CEP112: variants seen among roughly 807,000 people sequenced by gnomAD.
The protein encoded by CEP112 is centrosomal protein 112.
A neutral mutation model predicts 153.0 loss-of-function variants in CEP112; 127 were observed. That is an observed-to-expected ratio of 0.83 (90% confidence interval 0.72 to 0.96). The LOEUF (loss-of-function observed/expected upper bound fraction) is 0.96, where lower values mean the gene tolerates loss of function less well. Among genes scored for constraint, CEP112 ranks in the 40% least tolerant of loss-of-function variants. The probability of loss-of-function intolerance (pLI) is 0.00; values close to 1 mark genes in which losing one functional copy is unlikely to be tolerated. For missense variants in CEP112, 1,089 were observed against 1,101.2 expected (o/e 0.99, Z 0.16); for synonymous variants, 358 against 374.4 (o/e 0.96, Z 0.51).
rs189469441 is a variant in CEP112 at position 66,171,001 on chromosome 17, T to C, written c.470+4043A>G. On this transcript the variant is annotated intron_variant, in intron 4 of 26. Coordinates refer to ENST00000535342, the MANE Select transcript of CEP112 (RefSeq NM_001199165.4). ...ATGCTAAGTACACTAGTATATAATGTATACTTGGTGGAAAAAATAAAGCGT... is the reference window on the plus strand; with the variant it reads ...ATGCTAAGTACACTAGTATATAATGCATACTTGGTGGAAAAAATAAAGCGT... Among the ~76,000 whole-genome samples the C allele has an allele frequency of 7.4e-3, 1,133 of 152,272 alleles. 4 individuals are homozygous for C. Among genetic ancestry groups the C allele is most frequent in the Non-Finnish European group, 0.011 (715 of 68,020 alleles).
At position 66,043,153 on chromosome 17, in the gene CEP112, T is replaced by C. The variant is rs1030132847; in HGVS notation, c.1218+10583A>G. ...TCAGACTGTCGCTGAATTTGAATTTTTTCTTTAAAGTTCACTTTCATTTTC... is the reference window on the plus strand; with the variant it reads ...TCAGACTGTCGCTGAATTTGAATTTCTTCTTTAAAGTTCACTTTCATTTTC... On this transcript the variant is annotated intron_variant, in intron 12 of 26. Coordinates refer to ENST00000535342, the MANE Select transcript of CEP112 (RefSeq NM_001199165.4). The C allele has an allele frequency of 4.9e-6, 4 of 811,158 alleles. No individual in the cohort carries two copies. In the South Asian group the frequency reaches 1.7e-4, roughly 34 times the overall value. The allele number at this position is 811,158 out of a possible 1,614,324, so 50.2% of individuals were successfully genotyped here. A position where few individuals can be genotyped will look rare whatever the true frequency, so the allele number is the denominator to read the frequency against.
At position 65,916,252 on chromosome 17, in the gene CEP112, T is replaced by A. The variant is rs199965387; in HGVS notation, c.1980+11330A>T. ...CCTTAAATTATGTTTTGAAAAAGAG[T>A]GTGTGTGTGTGTGTGTGTGTGTGTG... On this transcript the variant is annotated intron_variant, in intron 19 of 26. Transcript: ENST00000535342. Among the ~76,000 whole-genome samples the A allele has an allele frequency of 5.0e-4, 55 of 110,448 alleles. 1 individual carries two copies. In the South Asian group the frequency reaches 8.4e-3, roughly 17 times the overall value. The allele number at this position is 110,448 out of a possible 152,430, so 72.5% of individuals were successfully genotyped here.
chr17:66,069,148 G>A (rs1362010804), intron 9 of CEP112, among the ~76,000 whole-genome samples: 2 of 151,858 alleles, frequency 1.3e-5, no homozygotes, highest in Non-Finnish European at 2.9e-5. Flanking sequence ...TGTAACTACT[G>A]CAACTACCTG....
intron 18 of CEP112, among the ~76,000 whole-genome samples, chr17:65,946,970 CAAGTTTTATT>C (rs1357178228): frequency 6.6e-6 from 1 of 152,008 alleles, no homozygotes; most frequent in Non-Finnish European, 1.5e-5. Context: ...GCATCTTCTT[CAAGTTTTATT>C]TTGTATTTGT....
chr17:66,035,495 G>T (rs1326262371), intron 12 of CEP112, among the ~76,000 whole-genome samples: 1 of 152,138 alleles, frequency 6.6e-6, no homozygotes, highest in East Asian at 1.9e-4. Context: ...CACTGCTGGT[G>T]AGAATGAAAA....
At chr17:66,064,752 T>G (rs945005182) in intron 10 of CEP112, among the ~76,000 whole-genome samples, 8 of 152,160 alleles carry the variant, frequency 5.3e-5, no homozygotes, top group Admixed American at 4.6e-4. Context: ...TTTTAAAACC[T>G]CATCATTTTT....
chr17:65,956,804 T>C (rs907334141), intron 18 of CEP112, among the ~76,000 whole-genome samples: 1 of 152,012 alleles, frequency 6.6e-6, no homozygotes, highest in African/African-American at 2.4e-5. Context: ...TTTAAAAATA[T>C]ATACATAAAA....
chr17:66,029,707 TAAAC>T (rs58836760), intron 13 of CEP112, among the ~76,000 whole-genome samples, 158 bp downstream of exon 13: 60,288 of 131,712 alleles, frequency 0.46, 13,070 homozygotes, highest in Non-Finnish European at 0.53. Context: ...TGTCTCTAAA[TAAAC>T]AAACAAACAA....
chr17:65,944,867 C>T (rs963225285), intron 18 of CEP112, among the ~76,000 whole-genome samples: 1 of 152,118 alleles, frequency 6.6e-6, no homozygotes, highest in African/African-American at 2.4e-5. Flanking sequence ...TATGAGTCAC[C>T]ACGCCTGGCC....
intron 4 of CEP112, among the ~76,000 whole-genome samples, chr17:66,153,876 C>T (rs1397139313): frequency 6.6e-6 from 1 of 151,884 alleles, no homozygotes; most frequent in African/African-American, 2.4e-5. Context: ...ACAAATGGTG[C>T]CAAGGGCCGG....
intron 20 of CEP112, among the ~76,000 whole-genome samples, chr17:65,870,093 A>C (rs559404012): frequency 1.3e-5 from 2 of 151,430 alleles, no homozygotes; most frequent in Admixed American, 1.3e-4. Flanking sequence ...AAAGAAAGAA[A>C]GAGAAAATAC....
At chr17:66,129,053 A>C (rs1440744263) in intron 6 of CEP112, among the ~76,000 whole-genome samples, 1 of 152,176 alleles carries the variant, frequency 6.6e-6, no homozygotes, top group African/African-American at 2.4e-5. Context: ...TGTTTCCTCA[A>C]AGCATTTAAA....
chr17:66,171,890 C>T (rs1273897703), intron 4 of CEP112, among the ~76,000 whole-genome samples: 1 of 152,164 alleles, frequency 6.6e-6, no homozygotes, highest in East Asian at 1.9e-4. Flanking sequence ...TTAAGCATGT[C>T]CTTTCCAGCT....
chr17:66,053,995 C>T, intron 11 of CEP112, 116 bp from the exon 12 acceptor site: 1 of 646,186 alleles, frequency 1.5e-6, no homozygotes, highest in Admixed American at 3.5e-5. Context: ...GACCTGAACA[C>T]CAAAAGATAC....
chr17:65,760,805 A>G (rs546662325), intron 21 of CEP112, among the ~76,000 whole-genome samples: 3 of 152,120 alleles, frequency 2.0e-5, no homozygotes, highest in African/African-American at 7.2e-5. Context: ...CTTTTGAAAG[A>G]GATTGTAGAG....
At chr17:66,131,044 T>C (rs2070139647) in intron 5 of CEP112, among the ~76,000 whole-genome samples, 1 of 152,212 alleles carries the variant, frequency 6.6e-6, no homozygotes, top group Admixed American at 6.5e-5. Flanking sequence ...GATTTGTTGA[T>C]ACAGCATTCT....
At chr17:65,831,905 A>G (rs924221236) in intron 21 of CEP112, among the ~76,000 whole-genome samples, 1 of 150,672 alleles carries the variant, frequency 6.6e-6, no homozygotes, top group Non-Finnish European at 1.5e-5. Context: ...TCATTGCCAC[A>G]TAGAACATAC....
chr17:65,858,224 T>G (rs1285685069), intron 20 of CEP112, among the ~76,000 whole-genome samples: 1 of 152,190 alleles, frequency 6.6e-6, no homozygotes, highest in Non-Finnish European at 1.5e-5. Context: ...TTAAATTGGT[T>G]TGAGAGTATT....
In CEP112 at chr17:65,636,041, C is replaced by T. The variant is rs369671333; in HGVS notation, c.2865-67G>A. ...ACAGGTATGTCAATCAAAAAATAAGCTTCAATTCTGGAGAAGTTGATAGGG... is the reference window on the plus strand; with the variant it reads ...ACAGGTATGTCAATCAAAAAATAAGTTTCAATTCTGGAGAAGTTGATAGGG... On this transcript the variant is annotated intron_variant, in intron 26 of 26. Coordinates refer to ENST00000535342, the MANE Select transcript of CEP112 (RefSeq NM_001199165.4). 666 of 1,520,380 alleles carry T rather than the reference C, an allele frequency of 4.4e-4. 3 individuals carry two copies. The highest frequency in any genetic ancestry group is 1.2e-3 in the Middle Eastern group (7 of 5,900). 94.2% of individuals were successfully genotyped at this position (1,520,380 alleles called of 1,614,324 possible).
Sources: allele counts gnomAD v4.1 joint callset (sites outside exome capture counted in the v4.1 genomes callset), GRCh38; gene constraint gnomAD v4.1.1; transcripts MANE v1.5; gene names NCBI Gene and HGNC (gene_info 2026-07-23, HGNC 2026-07-21).